The following PCDHGA7 variants were observed in gnomAD, a reference collection of about 807,000 sequenced individuals.
PCDHGA7 encodes protocadherin gamma-A7.
PCDHGA7 carries 44 observed loss-of-function variants against 58.3 expected under a neutral mutation model. That is an observed-to-expected ratio of 0.75 (90% confidence interval 0.59 to 0.97). The LOEUF is 0.97. PCDHGA7 is among the 50% of genes least tolerant of loss of function. The pLI, the probability that PCDHGA7 is intolerant of heterozygous loss-of-function variation, is 0.00. For synonymous variants in PCDHGA7, 516 were observed against 504.2 expected (o/e 1.02, Z -0.31); for missense variants, 1,266 against 1,188.7 (o/e 1.06, Z -0.96).
intron 2 of PCDHGA7, among the ~76,000 whole-genome samples, chr5:141,503,950 C>T (rs1216385793): frequency 3.3e-5 from 5 of 152,180 alleles, no homozygotes; most frequent in Non-Finnish European, 7.3e-5. Flanking sequence ...CAAGGCCTAC[C>T]CTACAGCCTT....
intron 1 of PCDHGA7, chr5:141,415,317 G>T (rs778236674): frequency 6.2e-7 from 1 of 1,614,218 alleles, no homozygotes; most frequent in Non-Finnish European, 8.5e-7. Flanking sequence ...TCGTCATCGT[G>T]CTGCTGGCGC....
rs2099745754 is a variant in PCDHGA7 at position 141,493,023 on chromosome 5, T to A, written c.2425-1784T>A. Among the ~76,000 whole-genome samples the A allele has an allele frequency of 6.6e-6, 1 of 152,190 alleles. No individual in the cohort carries two copies. The highest frequency in any genetic ancestry group is 2.4e-5 in the African/African-American group (1 of 41,450). On this transcript the variant is annotated intron_variant, in intron 1 of 3. Coordinates refer to ENST00000518325, the MANE Select transcript of PCDHGA7 (RefSeq NM_018920.4). The surrounding 1 kb of genome is among the most constrained non-coding windows in gnomAD (Gnocchi z 4.3). ...CTATAGGCTCTGCCAGATGCCAGGGTGCCCTTATGTGTGAGGAAACTACAA... is the reference window on the plus strand; with the variant it reads ...CTATAGGCTCTGCCAGATGCCAGGGAGCCCTTATGTGTGAGGAAACTACAA...
intron 1 of PCDHGA7, chr5:141,399,809 C>A (rs547922730): frequency 1.2e-6 from 2 of 1,613,222 alleles, no homozygotes; most frequent in Admixed American, 1.7e-5. Flanking sequence ...GTGCTGTACC[C>A]CGCGCTGGGT....
At chr5:141,417,955 G>C in intron 1 of PCDHGA7, 2 of 1,613,634 alleles carry the variant, frequency 1.2e-6, no homozygotes, top group Middle Eastern at 1.7e-4. Flanking sequence ...TGTGTGAGCC[G>C]ATCCGCTACT....
At chr5:141,413,329 A>G (rs762420040) in intron 1 of PCDHGA7, 1 of 1,613,966 alleles carries the variant, frequency 6.2e-7, no homozygotes, top group Non-Finnish European at 8.5e-7. Context: ...CGTGGGCAAC[A>G]TCTCCAAGGA....
intron 1 of PCDHGA7, among the ~76,000 whole-genome samples, chr5:141,468,782 C>T (rs1280972843): frequency 2.0e-5 from 3 of 151,990 alleles, no homozygotes; most frequent in East Asian, 3.9e-4. Context: ...AGGAGAATGG[C>T]GTGAACCCGG....
At chr5:141,427,879 C>T in intron 1 of PCDHGA7, 1 of 1,562,380 alleles carries the variant, frequency 6.4e-7, no homozygotes. Context: ...ACGATGCAGG[C>T]CCACGACCAG....
intron 1 of PCDHGA7, chr5:141,427,227 A>G (rs111948686): frequency 8.8e-6 from 4 of 456,798 alleles, no homozygotes; most frequent in African/African-American, 4.0e-5. Flanking sequence ...CAGTTATACC[A>G]TGAGAGTAGA....
At chr5:141,423,572 G>A (rs1239529114) in intron 1 of PCDHGA7, 1 of 1,613,510 alleles carries the variant, frequency 6.2e-7, no homozygotes, top group Admixed American at 1.7e-5. Flanking sequence ...ACGCTCATCA[G>A]CCAGGAGAGC....
intron 1 of PCDHGA7, among the ~76,000 whole-genome samples, chr5:141,443,008 T>C (rs2098358096): frequency 1.3e-5 from 2 of 152,220 alleles, no homozygotes; most frequent in Admixed American, 1.3e-4. Context: ...TCTAAGAATA[T>C]GACTAATGGA....
chr5:141,480,837 G>T (rs1435750544), intron 1 of PCDHGA7, among the ~76,000 whole-genome samples: 2 of 152,168 alleles, frequency 1.3e-5, no homozygotes, highest in African/African-American at 4.8e-5. Flanking sequence ...ATAAGATCAG[G>T]AGTTTGAGAC....
chr5:141,421,420 G>C, intron 1 of PCDHGA7: 1 of 1,614,084 alleles, frequency 6.2e-7, no homozygotes, highest in Non-Finnish European at 8.5e-7. Context: ...GAAGCGCGGA[G>C]TCCGCATCGT....
At chr5:141,456,860 G>A (rs1345260160) in intron 1 of PCDHGA7, among the ~76,000 whole-genome samples, 1 of 152,170 alleles carries the variant, frequency 6.6e-6, no homozygotes, top group African/African-American at 2.4e-5. Flanking sequence ...CTAATTGGGA[G>A]GCTGAGGCAG....
At chr5:141,426,407 C>T (rs974898367) in intron 1 of PCDHGA7, 5 of 257,632 alleles carry the variant, frequency 1.9e-5, no homozygotes, top group African/African-American at 6.6e-5. Context: ...CCAGAAGAAA[C>T]GGTCCAGGGC....
At chr5:141,404,524 G>GTTT in intron 1 of PCDHGA7, 7 of 1,613,938 alleles carry the variant, frequency 4.3e-6, no homozygotes, top group Non-Finnish European at 5.9e-6. Context: ...ACTATGAGCA[G>GTTT]TTTAGAGATT....
At chr5:141,400,303 G>T (rs2094000375) in intron 1 of PCDHGA7, 1 of 1,613,908 alleles carries the variant, frequency 6.2e-7, no homozygotes, top group Non-Finnish European at 8.5e-7. Context: ...CTTCCAACCT[G>T]GTCTCTGTGT....
intron 1 of PCDHGA7, among the ~76,000 whole-genome samples, chr5:141,447,631 A>G (rs59518107): frequency 0.11 from 16,809 of 152,214 alleles, 1,093 homozygotes; most frequent in African/African-American, 0.17. Flanking sequence ...AACCAACAGT[A>G]TGAATGATGG....
In PCDHGA7 at chr5:141,511,286, G is replaced by A. The variant is rs1231704933; in HGVS notation, c.*113G>A. On this transcript the variant is annotated 3_prime_UTR_variant, in exon 4 of 4. Coordinates refer to ENST00000518325, the MANE Select transcript of PCDHGA7 (RefSeq NM_018920.4). The stretch of plus-strand genomic sequence containing the variant: ...GGCTAACCCCCAGAATACTGGTAGG[G>A]GCCAAGGCCATGCTCCCCTTGGGAA... 2 of 1,520,242 alleles carry A rather than the reference G, an allele frequency of 1.3e-6. No individual in the cohort carries two copies. The allele number at this position is 1,520,242 out of a possible 1,614,324, so 94.2% of individuals were successfully genotyped here.
rs765534200 is a variant in PCDHGA7 at position 141,410,067 on chromosome 5, G to A, written c.2424+24744G>A. 8.1e-6 allele frequency: 13 copies of A among 1,612,846 alleles called. No individual in the cohort carries two copies. In the South Asian group the frequency reaches 1.3e-4, roughly 16 times the overall value. ...CCCGGACTCTTCAGCCTGGGGCTGC[G>A]CACTGGGGAGGTGCGCACGGCTCGA... is the stretch of plus-strand genomic sequence containing the variant. On this transcript the variant is annotated intron_variant, in intron 1 of 3. Transcript: ENST00000518325.
Sources: gnomAD v4.1 joint callset for allele counts (sites outside exome capture counted in the v4.1 genomes callset) on GRCh38, gnomAD v4.1.1 for gene constraint, Gnocchi (gnomAD v3.1) non-coding constraint, MANE v1.5 for transcripts, NCBI Gene and HGNC (gene_info 2026-07-23, HGNC 2026-07-21) for gene names.